CEMIP: variants seen among roughly 807,000 people sequenced by gnomAD.
CEMIP encodes cell migration inducing hyaluronidase 1, also known as cell migration-inducing and hyaluronan-binding protein.
Under a neutral mutation model 156.9 loss-of-function variants are expected in CEMIP, and 105 were observed. The observed-to-expected ratio is 0.67, with a 90% confidence interval of 0.57 to 0.79. The LOEUF (loss-of-function observed/expected upper bound fraction) is 0.79, where lower values mean the gene tolerates loss of function less well. CEMIP is among the 30% of genes least tolerant of loss of function. The probability of loss-of-function intolerance (pLI) is 0.00; values close to 1 mark genes in which losing one functional copy is unlikely to be tolerated. For synonymous variants in CEMIP, 676 were observed against 668.4 expected, an observed-to-expected ratio of 1.01 and a Z score of -0.17; for missense variants, 1,457 against 1,769.4, an observed-to-expected ratio of 0.82 and a Z score of 3.17.
At chr15:80,882,774 A>C (rs1898707304) in intron 6 of CEMIP, among the ~76,000 whole-genome samples, 1 of 152,056 alleles carries the variant, frequency 6.6e-6, no homozygotes, top group African/African-American at 2.4e-5. Context: ...ACACACACAC[A>C]CACACACATA....
At chr15:80,794,807 G>A (rs535822758) in intron 1 of CEMIP, among the ~76,000 whole-genome samples, 16 of 152,248 alleles carry the variant, frequency 1.1e-4, no homozygotes, top group African/African-American at 3.9e-4. Context: ...AAAATCACGG[G>A]CGTATGTGAT....
At chr15:80,939,743 G>T (rs1360646266) in intron 25 of CEMIP, among the ~76,000 whole-genome samples, 1 of 152,068 alleles carries the variant, frequency 6.6e-6, no homozygotes, top group Non-Finnish European at 1.5e-5. Context: ...GGTTATAGGG[G>T]GTCTGTTTCC....
intron 1 of CEMIP, among the ~76,000 whole-genome samples, chr15:80,839,089 G>A (rs1479122794): frequency 6.6e-6 from 1 of 152,332 alleles, no homozygotes; most frequent in East Asian, 1.9e-4. Context: ...TCAGGCTGGG[G>A]TTGAGGTGTT....
chr15:80,842,369 G>T (rs769274717), intron 1 of CEMIP, among the ~76,000 whole-genome samples: 1 of 152,034 alleles, frequency 6.6e-6, no homozygotes, highest in Non-Finnish European at 1.5e-5. Context: ...TGTTTACTAA[G>T]CACAAAGACT....
chr15:80,934,563 G>GT (rs1901044421), intron 23 of CEMIP, among the ~76,000 whole-genome samples: 1 of 152,234 alleles, frequency 6.6e-6, no homozygotes, highest in Admixed American at 6.5e-5. Context: ...AAGGAAACAT[G>GT]TATGAATAGC....
At chr15:80,817,194 C>T (rs1019634724) in intron 1 of CEMIP, among the ~76,000 whole-genome samples, 2 of 152,088 alleles carry the variant, frequency 1.3e-5, no homozygotes, top group African/African-American at 4.8e-5. Context: ...GTGGGACAGG[C>T]TGCCCTGGAA....
intron 13 of CEMIP, among the ~76,000 whole-genome samples, chr15:80,907,671 C>A (rs1899866941): frequency 6.6e-6 from 1 of 152,204 alleles, no homozygotes; most frequent in African/African-American, 2.4e-5. Context: ...AGGGTTCTTA[C>A]CGCACAATAT....
At chr15:80,802,366 G>A (rs1036468462) in intron 1 of CEMIP, among the ~76,000 whole-genome samples, 2 of 152,198 alleles carry the variant, frequency 1.3e-5, no homozygotes, top group African/African-American at 2.4e-5. Flanking sequence ...TATCCCTTTC[G>A]CCCTTCCTGA....
At chr15:80,820,090 G>A (rs1038445255) in intron 1 of CEMIP, among the ~76,000 whole-genome samples, 11 of 152,126 alleles carry the variant, frequency 7.2e-5, no homozygotes, top group Admixed American at 5.2e-4. Context: ...CTCCTGCTCT[G>A]GACTGTTCCA....
chr15:80,852,053 C>A (rs1344020928), intron 1 of CEMIP, among the ~76,000 whole-genome samples: 1 of 152,060 alleles, frequency 6.6e-6, no homozygotes, highest in Admixed American at 6.6e-5. Context: ...AGGTTGAGTT[C>A]ACGAGCAAGA....
intron 1 of CEMIP, among the ~76,000 whole-genome samples, chr15:80,848,900 G>GCACACACACACACACA (rs3221932): frequency 0.023 from 3,111 of 134,590 alleles, 77 homozygotes; most frequent in African/African-American, 0.041. Context: ...GTGTGCGCGT[G>GCACACACACACACACA]CACACACACA....
intron 1 of CEMIP, among the ~76,000 whole-genome samples, chr15:80,814,636 G>T (rs1362699178): frequency 6.6e-6 from 1 of 152,128 alleles, no homozygotes; most frequent in African/African-American, 2.4e-5. Context: ...GCTCACTGAG[G>T]GTCTTCAGTT....
chr15:80,800,946 C>T (rs567945662), intron 1 of CEMIP, among the ~76,000 whole-genome samples: 2 of 152,334 alleles, frequency 1.3e-5, no homozygotes, highest in Non-Finnish European at 2.9e-5. Flanking sequence ...CCTTCCTCTC[C>T]AGCTTCTTGT....
chr15:80,898,666 C>G (rs1385385694), intron 12 of CEMIP, among the ~76,000 whole-genome samples: 1 of 152,176 alleles, frequency 6.6e-6, no homozygotes, highest in East Asian at 1.9e-4. Context: ...CCCTCCTCAG[C>G]CCTCCCAAAG....
chr15:80,923,601 C>A (rs941650507), intron 17 of CEMIP, among the ~76,000 whole-genome samples: 5 of 152,114 alleles, frequency 3.3e-5, no homozygotes, highest in Non-Finnish European at 5.9e-5. Flanking sequence ...AGGTCTCATT[C>A]TCTGAGGCAG....
At chr15:80,789,182 A>G (rs995652729) in intron 1 of CEMIP, among the ~76,000 whole-genome samples, 3 of 152,160 alleles carry the variant, frequency 2.0e-5, no homozygotes, top group Non-Finnish European at 4.4e-5. Context: ...TCCCAGGCAG[A>G]GATCAGTACC....
At chr15:80,814,668 C>T (rs1024499185) in intron 1 of CEMIP, among the ~76,000 whole-genome samples, 1 of 152,144 alleles carries the variant, frequency 6.6e-6, no homozygotes, top group East Asian at 1.9e-4. Context: ...GATAGGTAGG[C>T]TTTGGGCCTG....
chr15:80,948,690 C>A (rs1008079737), intron 29 of CEMIP, 107 bp from the exon 30 acceptor site: 5 of 1,444,286 alleles, frequency 3.5e-6, no homozygotes, highest in Non-Finnish European at 2.9e-6. Context: ...TGTGGCTAGG[C>A]GGTACCTGGT....
rs1901780304 is a variant in CEMIP, at chr15:80,950,698, CT to C, written c.*1777del. On this transcript the variant is annotated 3_prime_UTR_variant, in exon 30 of 30. Transcript: ENST00000394685. ...ACAGCTATTGGGTCCACCCCAGTCC[CT>C]TTCAGCTGCTGCTTAATGCCCTGCT... 1 of 152,730 alleles carries C rather than the reference CT, an allele frequency of 6.5e-6. No homozygotes were observed. The highest frequency in any genetic ancestry group is 2.4e-5 in the African/African-American group (1 of 41,466). 9.5% of individuals were successfully genotyped at this position (152,730 alleles called of 1,614,324 possible).
Sources: allele counts gnomAD v4.1 joint callset (sites outside exome capture counted in the v4.1 genomes callset), GRCh38; gene constraint gnomAD v4.1.1; transcripts MANE v1.5; gene names NCBI Gene and HGNC (gene_info 2026-07-23, HGNC 2026-07-21).